HIVEP3: variants seen among roughly 807,000 people sequenced by gnomAD.
HIVEP3 encodes transcription factor HIVEP3.
In HIVEP3, 49 loss-of-function variants were observed where a neutral mutation model predicts 152.8. The ratio of observed to expected loss-of-function variants is 0.32; its 90% CI spans 0.26 to 0.41. The LOEUF (loss-of-function observed/expected upper bound fraction) is 0.41, where lower values mean the gene tolerates loss of function less well. Ranked by LOEUF, HIVEP3 falls within the 10% of genes least tolerant of loss-of-function variation. The probability of loss-of-function intolerance (pLI) is 1.00; values close to 1 mark genes in which losing one functional copy is unlikely to be tolerated. For missense variants in HIVEP3, 2,790 were observed against 3,103.3 expected (o/e 0.90, Z 2.40); for synonymous variants, 1,269 against 1,289.0 (o/e 0.98, Z 0.33).
intron 1 of HIVEP3, among the ~76,000 whole-genome samples, chr1:41,750,166 C>G (rs1647137251): frequency 6.6e-6 from 1 of 152,218 alleles, no homozygotes; most frequent in African/African-American, 2.4e-5. Context: ...GCTTCCTCTT[C>G]TACAAACTGC....
intron 5 of HIVEP3, among the ~76,000 whole-genome samples, chr1:41,531,220 GAGAAGGGAGAACAGGA>G (rs1643236960): frequency 6.7e-6 from 1 of 150,024 alleles, no homozygotes; most frequent in African/African-American, 2.5e-5. Flanking sequence ...GAGGACAGGA[GAGAAGGGAGAACAGGA>G]GAGATGGAGG....
At position 41,583,019 on chromosome 1, in the gene HIVEP3, G is replaced by T; in HGVS notation, c.1779C>A (p.Ile593=). 1 of 1,614,018 alleles carries T rather than the reference G, an allele frequency of 6.2e-7. No homozygotes were observed. Among genetic ancestry groups the T allele is most frequent in the Non-Finnish European group, 8.5e-7 (1 of 1,180,010 alleles). ...HPRMLKRQPA[I]ELPLGGEYSS... ...TGTATTCCCCTCCCAAAGGTAATTC[G>T]ATTGCCGGCTGGCGCTTCAGCATCC... is the stretch of plus-strand genomic sequence containing the variant. Residue 593 remains isoleucine, a synonymous_variant, in exon 4 of 9, where the codon ATC becomes ATA. Coordinates refer to ENST00000372583, the MANE Select transcript of HIVEP3 (RefSeq NM_024503.5). This position sits in a 1 kb window ranked among gnomAD's most constrained non-coding sequence, Gnocchi z 6.9.
At chr1:41,540,350 GC>G (rs1643498944) in intron 5 of HIVEP3, among the ~76,000 whole-genome samples, 1 of 152,198 alleles carries the variant, frequency 6.6e-6, no homozygotes, top group South Asian at 2.1e-4. Context: ...CACCATGAAG[GC>G]CGTGAAACAG....
At chr1:41,692,823 G>A (rs1185345076) in intron 2 of HIVEP3, among the ~76,000 whole-genome samples, 2 of 152,120 alleles carry the variant, frequency 1.3e-5, no homozygotes, top group South Asian at 2.1e-4. Context: ...CACTGTGCAC[G>A]TCTCTGTAAT....
chr1:41,925,908 G>C (rs1199439736), intron 1 of HIVEP3, among the ~76,000 whole-genome samples: 1 of 152,154 alleles, frequency 6.6e-6, no homozygotes, highest in Admixed American at 6.5e-5. Context: ...GTGGCCAGAA[G>C]AACAGGTTCT....
chr1:41,666,167 A>G (rs12725291), intron 2 of HIVEP3, among the ~76,000 whole-genome samples: 19,879 of 151,998 alleles, frequency 0.13, 2,137 homozygotes, highest in East Asian at 0.56. Context: ...GCATGTGCAC[A>G]TGTATGGTAG....
chr1:41,822,716 C>T (rs149924760), intron 1 of HIVEP3, among the ~76,000 whole-genome samples: 3,427 of 152,254 alleles, frequency 0.023, 61 homozygotes, highest in Non-Finnish European at 0.036. Context: ...CCTATATTTG[C>T]TTTGCATCAC....
chr1:42,020,064 T>C (rs1310980551), intron 1 of HIVEP3, among the ~76,000 whole-genome samples: 1 of 152,108 alleles, frequency 6.6e-6, no homozygotes, highest in Non-Finnish European at 1.5e-5. Context: ...CACTTGGTTA[T>C]AATGTATTAT....
At chr1:41,745,421 C>A (rs1015014296) in intron 1 of HIVEP3, among the ~76,000 whole-genome samples, 1 of 152,226 alleles carries the variant, frequency 6.6e-6, no homozygotes, top group Admixed American at 6.5e-5. Context: ...TTCTGCTTTG[C>A]AATCTATGCA....
chr1:41,684,019 C>T (rs1006173597), intron 2 of HIVEP3, among the ~76,000 whole-genome samples: 4 of 152,224 alleles, frequency 2.6e-5, no homozygotes, highest in Non-Finnish European at 5.9e-5. Context: ...TTTGTCCTGT[C>T]TTCCAAAAGC....
chr1:41,823,459 C>T (rs1243626862), intron 1 of HIVEP3, among the ~76,000 whole-genome samples: 1 of 152,186 alleles, frequency 6.6e-6, no homozygotes, highest in African/African-American at 2.4e-5. Flanking sequence ...AGATAAGAAC[C>T]CAGTTCATCC....
At chr1:41,919,132 ATAT>A (rs756999601), upstream of HIVEP3, among the ~76,000 whole-genome samples, 30 of 151,970 alleles carry the variant, frequency 2.0e-4, no homozygotes, top group Non-Finnish European at 3.1e-4. Flanking sequence ...ATATGCACAC[ATAT>A]TATATATATA....
chr1:41,691,372 TAC>T (rs1558183815), intron 2 of HIVEP3, among the ~76,000 whole-genome samples: 1 of 152,214 alleles, frequency 6.6e-6, no homozygotes, highest in East Asian at 1.9e-4. Context: ...CTCAGATAAC[TAC>T]TGACATGACC....
At chr1:41,738,323 GGGTTT>G (rs1646948706) in intron 1 of HIVEP3, among the ~76,000 whole-genome samples, 1 of 152,194 alleles carries the variant, frequency 6.6e-6, no homozygotes. Context: ...GTAAAGCCCT[GGGTTT>G]CTCAATCCAG....
intron 1 of HIVEP3, among the ~76,000 whole-genome samples, chr1:42,021,689 A>G (rs1384716852): frequency 6.6e-6 from 1 of 152,212 alleles, no homozygotes; most frequent in Non-Finnish European, 1.5e-5. Context: ...TAAGAAGTCT[A>G]GGGCCTGAGA....
chr1:41,749,233 A>G (rs1647118969), intron 1 of HIVEP3, among the ~76,000 whole-genome samples: 1 of 151,846 alleles, frequency 6.6e-6, no homozygotes, highest in African/African-American at 2.4e-5. Flanking sequence ...CACACTTGGC[A>G]CTCCTGGTAG....
intron 1 of HIVEP3, among the ~76,000 whole-genome samples, chr1:41,855,979 G>A (rs895957315): frequency 2.0e-5 from 3 of 152,152 alleles, no homozygotes; most frequent in African/African-American, 7.2e-5. Flanking sequence ...TTTGCCTCTC[G>A]GGTTCAAGTG....
At chr1:41,615,755 A>G (rs985623066) in intron 3 of HIVEP3, among the ~76,000 whole-genome samples, 1 of 148,084 alleles carries the variant, frequency 6.8e-6, no homozygotes, top group Non-Finnish European at 1.5e-5. Flanking sequence ...TCCTGGGAGC[A>G]CAGGAGAAAG....
intron 2 of HIVEP3, among the ~76,000 whole-genome samples, chr1:41,650,840 T>C (rs1645538110): frequency 6.6e-6 from 1 of 152,230 alleles, no homozygotes; most frequent in African/African-American, 2.4e-5. Context: ...CGTTAAGACC[T>C]GAAGGATCAT....
Sources: allele counts gnomAD v4.1 joint callset (sites outside exome capture counted in the v4.1 genomes callset), GRCh38; gene constraint gnomAD v4.1.1; non-coding constraint Gnocchi (gnomAD v3.1); transcripts MANE v1.5; gene names NCBI Gene and HGNC (gene_info 2026-07-23, HGNC 2026-07-21).